Variants in UNC79 observed in about 807,000 individuals in gnomAD.
The protein encoded by UNC79 is unc-79 subunit of NALCN channel complex, also known as protein unc-79 homolog.
In UNC79, 37 loss-of-function variants were observed where a neutral mutation model predicts 283.1. The observed-to-expected ratio is 0.13, with a 90% CI of 0.10 to 0.17. UNC79 has a LOEUF of 0.17. UNC79 is among the 10% of genes least tolerant of loss of function. The pLI is 1.00. For missense variants in UNC79, 2,272 were observed against 3,211.1 expected (o/e 0.71, Z 7.07); for synonymous variants, 1,107 against 1,200.2 (o/e 0.92, Z 1.61).
At chr14:93,588,733 T>G (rs1434460708) in intron 22 of UNC79, among the ~76,000 whole-genome samples, 2 of 96,052 alleles carry the variant, frequency 2.1e-5, no homozygotes, top group African/African-American at 8.8e-5. Flanking sequence ...AGAGGGAGAC[T>G]CCGTCTCAAA....
Position 93,617,782 on chromosome 14 carries a change from C to T in UNC79, c.4225-410C>T, listed in dbSNP as rs1313643231. Among the ~76,000 whole-genome samples the T allele has an allele frequency of 6.6e-6, 1 of 152,112 alleles. No homozygotes were observed. Among genetic ancestry groups the T allele is most frequent in the Non-Finnish European group, 1.5e-5 (1 of 68,026 alleles). On this transcript the variant is annotated intron_variant, in intron 28 of 48. Coordinates refer to ENST00000555664, the Ensembl canonical transcript of UNC79. This position sits in a 1 kb window ranked among gnomAD's most constrained non-coding sequence, Gnocchi z 4.5. ...TGGGGGAGGGCGTGGTGGCTCACTGCTGTAATCCCAGCACTTATGGGAGGC... is the reference window on the plus strand; with the variant it reads ...TGGGGGAGGGCGTGGTGGCTCACTGTTGTAATCCCAGCACTTATGGGAGGC...
chr14:93,466,906 C>G (rs2057209471), intron 1 of UNC79: 1 of 985,190 alleles, frequency 1.0e-6, no homozygotes, highest in South Asian at 4.7e-5. Flanking sequence ...CCAGGTAGGT[C>G]TAGGAGGGTA....
At chr14:93,634,724 T>C in intron 31 of UNC79, 87 bp downstream of exon 34, 4 of 1,247,784 alleles carry the variant, frequency 3.2e-6, no homozygotes, top group Non-Finnish European at 4.6e-6. Flanking sequence ...TGTTAAAGAA[T>C]AGATTTTCTC....
intron 37 of UNC79, among the ~76,000 whole-genome samples, chr14:93,654,926 G>A (rs1194378819): frequency 6.6e-6 from 1 of 152,230 alleles, no homozygotes; most frequent in African/African-American, 2.4e-5. Flanking sequence ...CTCAGTCTTT[G>A]TGCTGGGGAT....
In UNC79 at chr14:93,597,877, G is replaced by A. The variant is rs1282995072; in HGVS notation, c.3372+337G>A. Among the ~76,000 whole-genome samples the A allele has an allele frequency of 1.3e-5, 2 of 151,914 alleles. 1 individual carries two copies. The highest frequency in any genetic ancestry group is 4.8e-5 in the African/African-American group (2 of 41,320). ...AGTTTCAACAGGAATTTGGGGGTGA[G>A]GCCCTTGCACACATTTTCAGACCAT... On this transcript the variant is annotated intron_variant, in intron 24 of 48. Transcript: ENST00000555664.
At chr14:93,525,294 A>T (rs1396358640) in intron 8 of UNC79, among the ~76,000 whole-genome samples, 1 of 152,032 alleles carries the variant, frequency 6.6e-6, no homozygotes, top group East Asian at 1.9e-4. Context: ...AAAGTACAAT[A>T]AAAAATAAGC....
intron 1 of UNC79, among the ~76,000 whole-genome samples, chr14:93,341,633 G>T (rs2053713645): frequency 6.6e-6 from 1 of 151,526 alleles, no homozygotes; most frequent in African/African-American, 2.4e-5. Flanking sequence ...AATTAGCTGG[G>T]CATGGTGGTG....
chr14:93,355,552 C>T (rs183905658), intron 1 of UNC79, among the ~76,000 whole-genome samples: 3 of 152,296 alleles, frequency 2.0e-5, no homozygotes, highest in East Asian at 1.9e-4. Context: ...AGGGTGGTCT[C>T]GACCTCCTGA....
intron 41 of UNC79, among the ~76,000 whole-genome samples, chr14:93,677,337 A>G (rs1174814647): frequency 6.6e-6 from 1 of 152,206 alleles, no homozygotes; most frequent in Non-Finnish European, 1.5e-5. Flanking sequence ...AAGAGGTTTA[A>G]TTGACTCACA....
Position 93,581,484 on chromosome 14 carries a change from C to CTT in UNC79, c.2662-693_2662-692dup, listed in dbSNP as rs569060513. ...CACCACACCTGGCCAGTATTTGCAT[C>CTT]TTTTTTTTTTTTTTTTTTTTTTTTT... On this transcript the variant is annotated intron_variant, in intron 19 of 48. Transcript: ENST00000555664. 9.2e-3 allele frequency among the ~76,000 whole-genome samples: 924 copies of CTT among 100,666 alleles called. 133 individuals carry two copies. Among genetic ancestry groups the CTT allele is most frequent in the African/African-American group, 0.037 (820 of 21,926 alleles). The allele number at this position is 100,666 out of a possible 152,430, so 66.0% of individuals were successfully genotyped here. A position where few individuals can be genotyped will look rare whatever the true frequency, so the allele number is the denominator to read the frequency against.
At chr14:93,667,276 A>AT (rs1814947081) in intron 40 of UNC79, among the ~76,000 whole-genome samples, 1 of 152,092 alleles carries the variant, frequency 6.6e-6, no homozygotes, top group African/African-American at 2.4e-5. Context: ...CATAGATACA[A>AT]TGGAAGATCA....
chr14:93,666,541 G>A (rs906741381), intron 40 of UNC79, among the ~76,000 whole-genome samples: 1 of 152,098 alleles, frequency 6.6e-6, no homozygotes, highest in African/African-American at 2.4e-5. Context: ...GATAAGAGGA[G>A]CAACTCACCA....
intron 8 of UNC79, 57 bp downstream of exon 8, chr14:93,524,099 T>A: frequency 6.3e-7 from 1 of 1,580,596 alleles, no homozygotes; most frequent in Non-Finnish European, 8.7e-7. Flanking sequence ...AATTGCTGAA[T>A]GAAGTGGAGT....
chr14:93,444,877 T>C (rs969141412), intron 1 of UNC79, among the ~76,000 whole-genome samples: 2 of 152,212 alleles, frequency 1.3e-5, no homozygotes, highest in Admixed American at 1.3e-4. Context: ...TAAAATCAAC[T>C]TGTAATTTGC....
chr14:93,459,133 A>G (rs1283108996), intron 1 of UNC79, among the ~76,000 whole-genome samples: 1 of 152,232 alleles, frequency 6.6e-6, no homozygotes, highest in Non-Finnish European at 1.5e-5. Flanking sequence ...CTGAGATTAC[A>G]GGTGGGTGCC....
At chr14:93,570,818 C>T (rs2063167615) in intron 14 of UNC79, among the ~76,000 whole-genome samples, 2 of 152,146 alleles carry the variant, frequency 1.3e-5, no homozygotes, top group South Asian at 2.1e-4. Flanking sequence ...TTTCCAAAAG[C>T]GTACTTGTTC....
intron 4 of UNC79, among the ~76,000 whole-genome samples, chr14:93,481,663 C>T (rs562730782): frequency 1.2e-4 from 19 of 152,188 alleles, no homozygotes; most frequent in East Asian, 9.6e-4. Flanking sequence ...AAGGCAATTG[C>T]GTGACTTACC....
intron 22 of UNC79, 124 bp from the exon 23 acceptor site, chr14:93,593,556 A>G: frequency 1.8e-6 from 2 of 1,136,620 alleles, no homozygotes; most frequent in Non-Finnish European, 2.5e-6. Context: ...GATGAGTGTC[A>G]TTTCACCAAA....
Position 93,688,457 on chromosome 14 carries a change from G to A in UNC79, c.6910-208G>A, listed in dbSNP as rs1260185439. Among the ~76,000 whole-genome samples, 1 of 152,188 alleles carries A rather than the reference G, an allele frequency of 6.6e-6. No individual in the cohort carries two copies. Among genetic ancestry groups the A allele is most frequent in the Non-Finnish European group, 1.5e-5 (1 of 68,032 alleles). On this transcript the variant is annotated intron_variant, in intron 43 of 48. Coordinates refer to ENST00000555664, the Ensembl canonical transcript of UNC79. This position sits in a 1 kb window ranked among gnomAD's most constrained non-coding sequence, Gnocchi z 4.0. ...TGCAGGCAGAAGGGGTAAGTTCTCA[G>A]TGGCTGGATCTTTCTGGCTTTGTAG...
Sources: gnomAD v4.1 joint callset for allele counts (sites outside exome capture counted in the v4.1 genomes callset) on GRCh38, gnomAD v4.1.1 for gene constraint, Gnocchi (gnomAD v3.1) non-coding constraint, MANE v1.5 for transcripts, NCBI Gene and HGNC (gene_info 2026-07-23, HGNC 2026-07-21) for gene names.